The following ADM2 variants were observed in gnomAD, a reference collection of about 807,000 sequenced individuals.
The protein encoded by ADM2 is protein ADM2.
ADM2 carries 5 observed loss-of-function variants against 7.1 expected under a neutral mutation model. The ratio of observed to expected loss-of-function variants is 0.71; its 90% CI spans 0.37 to 1.49. ADM2 has a LOEUF of 1.49. ADM2 is among the 40% of genes most tolerant of loss of function. ADM2 has a pLI of 0.03. For synonymous variants in ADM2, 123 were observed against 92.8 expected, an observed-to-expected ratio of 1.33 and a Z score of -1.87; for missense variants, 236 against 211.2, an observed-to-expected ratio of 1.12 and a Z score of -0.73.
At position 50,483,424 on chromosome 22, in the gene ADM2, G is replaced by A. The variant is rs1371984236; in HGVS notation, c.*521G>A. On this transcript the variant is annotated 3_prime_UTR_variant, in exon 3 of 3. Transcript: ENST00000395737. ...GCTGTAGCCCCCGGGGTTGGGCAAG[G>A]GAAGGATGGTGGCCCTCCAGAGGTC... 1 of 380,534 alleles carries A rather than the reference G, an allele frequency of 2.6e-6. No homozygotes were observed. The highest frequency in any genetic ancestry group is 5.4e-6 in the Non-Finnish European group (1 of 185,978). 23.6% of individuals were successfully genotyped at this position (380,534 alleles called of 1,614,324 possible).
chr22:50,482,135 C>T (rs148161319), intron 2 of ADM2, among the ~76,000 whole-genome samples, 178 bp downstream of exon 2: 1 of 152,330 alleles, frequency 6.6e-6, no homozygotes, highest in East Asian at 1.9e-4. Context: ...CCCTCTTTCT[C>T]TGCCTCCCTA....
At chr22:50,482,518 C>G (rs2068208295) in intron 2 of ADM2, 49 bp from the exon 3 acceptor site, 3 of 1,441,962 alleles carry the variant, frequency 2.1e-6, no homozygotes, top group Non-Finnish European at 1.8e-6. Flanking sequence ...GGTGTGAGTT[C>G]TCCAAAAGGC....
chr22:50,481,941 C>T lies in ADM2; in HGVS notation c.94C>T (p.Arg32Ter). ...SLSRSLGGDP[R>*]PVKPREPPAR... ...GTCCCGCAGCCTGGGCGGGGACCCG[C>T]GACCCGTCAAACCCAGGTGAGTCCA... Residue 32 changes from arginine (R) to a stop codon, truncating the protein, a stop_gained, in exon 2 of 3, where the codon CGA becomes TGA. Transcript: ENST00000395737. LOFTEE classifies it low-confidence loss of function (END_TRUNC). 3 of 1,536,448 alleles carry T rather than the reference C, an allele frequency of 2.0e-6. No homozygotes were observed. Among genetic ancestry groups the T allele is most frequent in the Non-Finnish European group, 2.6e-6 (3 of 1,142,566 alleles).
At chr22:50,482,088 A>AC (rs1276705296) in intron 2 of ADM2, 131 bp downstream of exon 2, 7 of 840,670 alleles carry the variant, frequency 8.3e-6, no homozygotes, top group Non-Finnish European at 1.2e-5. Flanking sequence ...AAAGGCCCCT[A>AC]CCCCAGGCTC....
chr22:50,483,706 TGGGG>T lies in ADM2; in HGVS notation c.*804_*807del. The T allele has an allele frequency of 2.3e-5, 4 of 173,148 alleles. No individual in the cohort carries two copies. The highest frequency in any genetic ancestry group is 1.3e-4 in the South Asian group (1 of 7,724). The allele number at this position is 173,148 out of a possible 1,614,324, so 10.7% of individuals were successfully genotyped here. ...ACCCTTGTTGGCAGCCAGACAAGGG[TGGGG>T]CTCCACAGGCAGCACAGGCGCCCCA... On this transcript the variant is annotated 3_prime_UTR_variant, in exon 3 of 3. Coordinates refer to ENST00000395737, the MANE Select transcript of ADM2 (RefSeq NM_001253845.2).
chr22:50,482,513 G>A (rs2068208275), intron 2 of ADM2, 54 bp from the exon 3 acceptor site: 4 of 1,440,524 alleles, frequency 2.8e-6, no homozygotes, highest in Non-Finnish European at 3.6e-6. Flanking sequence ...GGGCAGGTGT[G>A]AGTTCTCCAA....
In ADM2 at chr22:50,483,123, G is replaced by C; in HGVS notation, c.*220G>C. 1 of 797,946 alleles carries C rather than the reference G, an allele frequency of 1.3e-6. No homozygotes were observed. Among genetic ancestry groups the C allele is most frequent in the South Asian group, 1.5e-5 (1 of 68,722 alleles). The allele number at this position is 797,946 out of a possible 1,614,324, so 49.4% of individuals were successfully genotyped here. ...AACACCCTGAAATTGTGACCCCCTG[G>C]GGGACAGCTGCCAGACACAGCTGGC... On this transcript the variant is annotated 3_prime_UTR_variant, in exon 3 of 3. Coordinates refer to ENST00000395737, the MANE Select transcript of ADM2 (RefSeq NM_001253845.2).
chr22:50,482,016 G>GC, intron 2 of ADM2, 59 bp downstream of exon 2: 1 of 1,441,598 alleles, frequency 6.9e-7, no homozygotes, highest in Non-Finnish European at 9.3e-7. Context: ...GCAGAGTGCC[G>GC]GGGGCCGCGG....
Position 50,482,654 on chromosome 22 carries a change from C to G in ADM2, c.198C>G (p.Leu66=). 6.4e-7 allele frequency: 1 copy of G among 1,569,682 alleles called. No homozygotes were observed. Among genetic ancestry groups the G allele is most frequent in the Non-Finnish European group, 8.7e-7 (1 of 1,155,984 alleles). The change falls in exon 3 of 3, where the codon CTC becomes CTG. Residue 66 remains leucine, a synonymous_variant. Coordinates refer to ENST00000395737, the MANE Select transcript of ADM2 (RefSeq NM_001253845.2). ...TGGTCTGGAAGCTTCACCGGGCCCTCCAGGCACAGAGGGGTGCCGGCCTGG... is the reference window on the plus strand; with the variant it reads ...TGGTCTGGAAGCTTCACCGGGCCCTGCAGGCACAGAGGGGTGCCGGCCTGG... ...RPVVWKLHRA[L]QAQRGAGLAP... is the part of the protein sequence containing the mutation.
intron 2 of ADM2, 141 bp downstream of exon 2, chr22:50,482,098 C>T: frequency 1.3e-6 from 1 of 780,392 alleles, no homozygotes; most frequent in Non-Finnish European, 1.9e-6. Flanking sequence ...ACCCCAGGCT[C>T]AGGAGCGCCT....
chr22:50,481,595 T>C lies in ADM2; in HGVS notation c.-180T>C, dbSNP rs1319199000. 4.2e-6 allele frequency: 1 copy of C among 240,320 alleles called. No individual in the cohort carries two copies. The highest frequency in any genetic ancestry group is 7.9e-6 in the Non-Finnish European group (1 of 126,562). 14.9% of individuals were successfully genotyped at this position (240,320 alleles called of 1,614,324 possible). ...GTGCCATCCCGGGCCGCGACTCCGC[T>C]CCAGGCAGGACCCCCAACCCGCCCA... On this transcript the variant is annotated 5_prime_UTR_variant, in exon 1 of 3. Coordinates refer to ENST00000395737, the MANE Select transcript of ADM2 (RefSeq NM_001253845.2).
chr22:50,482,924 C>T lies in ADM2; in HGVS notation c.*21C>T. The T allele has an allele frequency of 1.3e-6, 2 of 1,566,928 alleles. No individual in the cohort carries two copies. Among genetic ancestry groups the T allele is most frequent in the Middle Eastern group, 1.7e-4 (1 of 6,018 alleles). The stretch of plus-strand genomic sequence containing the variant: ...GCTGAGGTGGGGCCGGGCCACACCC[C>T]TGCCCATCCCAGCCAGGGTGCTGTG... On this transcript the variant is annotated 3_prime_UTR_variant, in exon 3 of 3. Transcript: ENST00000395737.
At chr22:50,482,037 C>T (rs2068202200) in intron 2 of ADM2, 80 bp downstream of exon 2, 1 of 1,237,292 alleles carries the variant, frequency 8.1e-7, no homozygotes, top group Admixed American at 2.3e-5. Context: ...GGCCGCCCTC[C>T]CTCCACGCCT....
In ADM2 at chr22:50,484,143, G is replaced by C. The variant is rs559144166; in HGVS notation, c.*1240G>C. Reference sequence around the variant, plus strand: ...CTCCAAGGGGGAGGGTCCTGGAAGCGCCCACCCAGGCGCCGCCCCTGTGCT... The same window carrying C: ...CTCCAAGGGGGAGGGTCCTGGAAGCCCCCACCCAGGCGCCGCCCCTGTGCT... On this transcript the variant is annotated 3_prime_UTR_variant, in exon 3 of 3. Coordinates refer to ENST00000395737, the MANE Select transcript of ADM2 (RefSeq NM_001253845.2). The C allele has an allele frequency of 6.6e-5, 10 of 152,422 alleles. No homozygotes were observed. The highest frequency in any genetic ancestry group is 5.2e-4 in the Admixed American group (8 of 15,294). 9.4% of individuals were successfully genotyped at this position (152,422 alleles called of 1,614,324 possible).
rs2148632357 is a variant in ADM2, at chr22:50,484,843, A to ATTTCCT, written c.*1940_*1941insTTTCCT. ...TGACACCATCACGCGGAGGCCCAGC[A>ATTTCCT]GCACCTGCACCCACTTCCAGCTGCT... On this transcript the variant is annotated 3_prime_UTR_variant, in exon 3 of 3. Coordinates refer to ENST00000395737, the MANE Select transcript of ADM2 (RefSeq NM_001253845.2). 1 of 35,330 alleles carries ATTTCCT rather than the reference A, an allele frequency of 2.8e-5. No individual in the cohort carries two copies. Among genetic ancestry groups the ATTTCCT allele is most frequent in the African/African-American group, 1.4e-4 (1 of 7,044 alleles). The allele number at this position is 35,330 out of a possible 1,614,324, so 2.2% of individuals were successfully genotyped here.
chr22:50,485,998 G>C lies in ADM2; in HGVS notation c.*3095G>C, dbSNP rs1034606438. 1 of 152,300 alleles carries C rather than the reference G, an allele frequency of 6.6e-6. No individual in the cohort carries two copies. Among genetic ancestry groups the C allele is most frequent in the South Asian group, 2.1e-4 (1 of 4,810 alleles). The allele number at this position is 152,300 out of a possible 1,614,324, so 9.4% of individuals were successfully genotyped here. A position where few individuals can be genotyped will look rare whatever the true frequency, so the allele number is the denominator to read the frequency against. The stretch of plus-strand genomic sequence containing the variant: ...CCCATGCATGGGAAGTTGCGTTGGC[G>C]GCCTGGGTGTTGGCGGTTCCGTGCC... On this transcript the variant is annotated 3_prime_UTR_variant, in exon 3 of 3. Transcript: ENST00000395737.
rs1202747360 is a variant in ADM2, at chr22:50,485,996, G to A, written c.*3093G>A. The A allele has an allele frequency of 6.6e-6, 1 of 152,196 alleles. No individual in the cohort carries two copies. Among genetic ancestry groups the A allele is most frequent in the East Asian group, 1.9e-4 (1 of 5,194 alleles). The allele number at this position is 152,196 out of a possible 1,614,324, so 9.4% of individuals were successfully genotyped here. ...GGCCCATGCATGGGAAGTTGCGTTG[G>A]CGGCCTGGGTGTTGGCGGTTCCGTG... On this transcript the variant is annotated 3_prime_UTR_variant, in exon 3 of 3. Transcript: ENST00000395737.
intron 2 of ADM2, among the ~76,000 whole-genome samples, chr22:50,482,291 TGA>T (rs1261939369): frequency 6.6e-6 from 1 of 152,096 alleles, no homozygotes; most frequent in Non-Finnish European, 1.5e-5. Flanking sequence ...CCCTGAGCCC[TGA>T]GAGTGGTGAC....
Position 50,482,712 on chromosome 22 carries a change from GGCC to G in ADM2, c.260_262del (p.Arg87del). On this transcript the variant is annotated inframe_deletion, in exon 3 of 3. Coordinates refer to ENST00000395737, the MANE Select transcript of ADM2 (RefSeq NM_001253845.2). ...TATGGGTCAGCCTCTCCGGGATGGT[GGCC>G]GCCAACACTCGGGCCCCCGAAGACA... The G allele has an allele frequency of 2.5e-6, 4 of 1,605,766 alleles. No homozygotes were observed. The highest frequency in any genetic ancestry group is 2.6e-6 in the Non-Finnish European group (3 of 1,176,164).
Sources: allele counts gnomAD v4.1 joint callset (sites outside exome capture counted in the v4.1 genomes callset), GRCh38; gene constraint gnomAD v4.1.1; transcripts MANE v1.5; gene names NCBI Gene and HGNC (gene_info 2026-07-23, HGNC 2026-07-21).